SOX6: variants seen among roughly 807,000 people sequenced by gnomAD.
The protein encoded by SOX6 is SRY-box transcription factor 6.
Under a neutral mutation model 97.8 loss-of-function variants are expected in SOX6, and 11 were observed. That is an observed-to-expected ratio of 0.11 (90% CI 0.07 to 0.19). The LOEUF is 0.19. SOX6 is among the 10% of genes least tolerant of loss of function. The probability of loss-of-function intolerance (pLI) is 1.00; values close to 1 mark genes in which losing one functional copy is unlikely to be tolerated. For synonymous variants in SOX6, 360 were observed against 371.4 expected (o/e 0.97, Z 0.35); for missense variants, 810 against 1,039.5 (o/e 0.78, Z 3.04).
chr11:16,425,369 T>C (rs1673642673), intron 1 of SOX6, among the ~76,000 whole-genome samples: 1 of 152,246 alleles, frequency 6.6e-6, no homozygotes, highest in African/African-American at 2.4e-5. Flanking sequence ...GGCACTGTTC[T>C]AGTTGCTGAG....
chr11:16,681,887 A>G (rs1847931270), intron 3 of SOX6, among the ~76,000 whole-genome samples: 1 of 152,218 alleles, frequency 6.6e-6, no homozygotes, highest in Non-Finnish European at 1.5e-5. Context: ...TCCTCGACAC[A>G]TACACCCTGC....
intron 2 of SOX6, among the ~76,000 whole-genome samples, chr11:16,731,735 C>A (rs1848351722): frequency 6.6e-6 from 1 of 152,168 alleles, no homozygotes; most frequent in South Asian, 2.1e-4. Context: ...ATTGGAAGTT[C>A]TGGCCAGGGC....
intron 3 of SOX6, among the ~76,000 whole-genome samples, chr11:16,647,766 C>A (rs1158633736): frequency 6.6e-6 from 1 of 152,154 alleles, no homozygotes; most frequent in Non-Finnish European, 1.5e-5. Context: ...AGGAGAAGGA[C>A]TTAACCTTAT....
intron 3 of SOX6, among the ~76,000 whole-genome samples, chr11:16,617,005 T>G (rs949047801): frequency 6.6e-6 from 1 of 151,894 alleles, no homozygotes; most frequent in African/African-American, 2.4e-5. Context: ...CTTGCTAAGT[T>G]TTATGTCTTT....
At chr11:16,583,638 C>CATATGTATATATATATATATAT (rs1329710047) in intron 4 of SOX6, among the ~76,000 whole-genome samples, 5 of 104,594 alleles carry the variant, frequency 4.8e-5, no homozygotes, top group Middle Eastern at 4.7e-3. Flanking sequence ...TATATATATA[C>CATATGTATATATATATATATAT]ACATACACAC....
intron 3 of SOX6, among the ~76,000 whole-genome samples, chr11:16,627,955 T>A (rs1848647013): frequency 6.6e-6 from 1 of 152,196 alleles, no homozygotes; most frequent in African/African-American, 2.4e-5. Flanking sequence ...ATTTAATCCA[T>A]CTTGAGTTAA....
At chr11:16,169,458 G>A (rs1850973254) in intron 6 of SOX6, among the ~76,000 whole-genome samples, 1 of 151,886 alleles carries the variant, frequency 6.6e-6, no homozygotes, top group African/African-American at 2.4e-5. Flanking sequence ...TGGCTAATGA[G>A]GATTATAATA....
intron 1 of SOX6, among the ~76,000 whole-genome samples, chr11:16,383,504 TTC>T (rs1317474347): frequency 6.6e-6 from 1 of 151,908 alleles, no homozygotes; most frequent in Non-Finnish European, 1.5e-5. Context: ...GTTGCTCAAC[TTC>T]TCTGAGTCCA....
chr11:16,149,304 C>A (rs1465104519), intron 6 of SOX6, among the ~76,000 whole-genome samples: 1 of 152,018 alleles, frequency 6.6e-6, no homozygotes, highest in Non-Finnish European at 1.5e-5. Flanking sequence ...ACTTTGACGG[C>A]CTACTGTAGG....
chr11:16,160,489 ACTTAT>A (rs1462238073), intron 6 of SOX6, among the ~76,000 whole-genome samples: 1 of 152,148 alleles, frequency 6.6e-6, no homozygotes, highest in East Asian at 1.9e-4. Context: ...TACCATAATG[ACTTAT>A]CTTAAATACC....
intron 9 of SOX6, among the ~76,000 whole-genome samples, chr11:16,082,848 A>G (rs1471852432): frequency 6.6e-6 from 1 of 152,164 alleles, no homozygotes; most frequent in Non-Finnish European, 1.5e-5. Flanking sequence ...TGCAGTGTAA[A>G]AGGCACTCTG....
chr11:16,268,103 A>G (rs1455952146), intron 3 of SOX6, among the ~76,000 whole-genome samples: 1 of 151,354 alleles, frequency 6.6e-6, no homozygotes, highest in Non-Finnish European at 1.5e-5. Context: ...AAGAAAAATA[A>G]GTGTTTTTTT....
Position 15,973,018 on chromosome 11 carries a change from A to T in SOX6, c.2278T>A (p.Ser760Thr), listed in dbSNP as rs1234656056. The T allele has an allele frequency of 6.2e-7, 1 of 1,614,122 alleles. No individual in the cohort carries two copies. The highest frequency in any genetic ancestry group is 8.5e-7 in the Non-Finnish European group (1 of 1,180,006). ...CTGGCCGAGGTGCTAGAGCAGTCAGATGTCATCTGAGGCGATGGTGTGGTA... is the reference window on the plus strand; with the variant it reads ...CTGGCCGAGGTGCTAGAGCAGTCAGTTGTCATCTGAGGCGATGGTGTGGTA... ...ATTTPSPQMT[S>T]DCSSTSASPE... Residue 760 changes from serine (S) to threonine (T), a missense_variant, in exon 16 of 16, where the codon TCT (serine) becomes ACT (threonine). Ser to Thr is a moderately conservative substitution (Grantham distance 58). Transcript: ENST00000683767.
chr11:15,992,940 A>C (rs1854100527), intron 13 of SOX6, among the ~76,000 whole-genome samples: 2 of 152,168 alleles, frequency 1.3e-5, no homozygotes, highest in African/African-American at 4.8e-5. Flanking sequence ...CTGAATTTAC[A>C]ATCTAAGTTT....
Position 16,613,952 on chromosome 11 carries a change from C to A in SOX6, n.430-1692G>T, listed in dbSNP as rs1239426412. Among the ~76,000 whole-genome samples, 1 of 152,158 alleles carries A rather than the reference C, an allele frequency of 6.6e-6. No individual in the cohort carries two copies. Among genetic ancestry groups the A allele is most frequent in the African/African-American group, 2.4e-5 (1 of 41,442 alleles). On this transcript the variant is annotated intron_variant and non_coding_transcript_variant, in intron 3 of 5. Transcript: ENST00000524520. The surrounding 1 kb of genome is among the most constrained non-coding windows in gnomAD (Gnocchi z 4.6). The stretch of plus-strand genomic sequence containing the variant: ...AGAGAAGCAAAGGGAGGGCGCCCTG[C>A]GGGCGGGCGGGCCACGCTAGGCGCC...
chr11:16,683,651 A>T (rs1190467148), intron 3 of SOX6, among the ~76,000 whole-genome samples: 1 of 152,174 alleles, frequency 6.6e-6, no homozygotes, highest in East Asian at 1.9e-4. Flanking sequence ...AACCTAGGCA[A>T]TACCATTCAG....
At chr11:16,168,870 T>C (rs1438443767) in intron 6 of SOX6, among the ~76,000 whole-genome samples, 1 of 152,164 alleles carries the variant, frequency 6.6e-6, no homozygotes, top group Non-Finnish European at 1.5e-5. Flanking sequence ...TAATGAGATG[T>C]AACCAAGTTA....
At chr11:16,527,033 A>G (rs1389769295) in intron 4 of SOX6, among the ~76,000 whole-genome samples, 5 of 152,126 alleles carry the variant, frequency 3.3e-5, no homozygotes, top group Admixed American at 6.6e-5. Flanking sequence ...ATCCCAATCC[A>G]AAGAAGAAGC....
At chr11:16,720,136 G>A (rs911395995) in intron 2 of SOX6, among the ~76,000 whole-genome samples, 2 of 151,990 alleles carry the variant, frequency 1.3e-5, no homozygotes, top group African/African-American at 2.4e-5. Flanking sequence ...TCAGTGTGGC[G>A]ATTCCTCAGG....
Sources: allele counts gnomAD v4.1 joint callset (sites outside exome capture counted in the v4.1 genomes callset), GRCh38; gene constraint gnomAD v4.1.1; non-coding constraint Gnocchi (gnomAD v3.1); transcripts MANE v1.5; gene names NCBI Gene and HGNC (gene_info 2026-07-23, HGNC 2026-07-21).